Variants in ATAD3C observed in about 807,000 individuals in gnomAD.
The protein encoded by ATAD3C is ATPase family AAA domain-containing protein 3C.
In ATAD3C, 38 loss-of-function variants were observed where a neutral mutation model predicts 46.3. That is an observed-to-expected ratio of 0.82 (90% CI 0.63 to 1.08). The LOEUF (loss-of-function observed/expected upper bound fraction) is 1.08, where lower values mean the gene tolerates loss of function less well. ATAD3C is among the 50% of genes least tolerant of loss of function. ATAD3C has a pLI of 0.00. For synonymous variants in ATAD3C, 220 were observed against 236.4 expected, an observed-to-expected ratio of 0.93 and a Z score of 0.63; for missense variants, 563 against 572.7, an observed-to-expected ratio of 0.98 and a Z score of 0.17.
At chr1:1,453,035 G>A (rs910700367) in intron 3 of ATAD3C, among the ~76,000 whole-genome samples, 10 of 152,080 alleles carry the variant, frequency 6.6e-5, no homozygotes, top group South Asian at 6.2e-4. Context: ...GTAGGTCCCC[G>A]GCACTGAGTG....
rs186181957 is a variant in ATAD3C at position 1,450,979 on chromosome 1, C to T, written c.75+221C>T. ...GAGGGAGGGCCGGTGTTGGTGAGGG[C>T]GTCTGGTCGTCCTGAGGGCCTGGAT... On this transcript the variant is annotated intron_variant, in intron 1 of 11. Coordinates refer to ENST00000378785, the MANE Select transcript of ATAD3C (RefSeq NM_001039211.3). Among the ~76,000 whole-genome samples the T allele has an allele frequency of 4.1e-3, 616 of 151,706 alleles. 5 individuals are homozygous for T. The highest frequency in any genetic ancestry group is 0.014 in the African/African-American group (574 of 41,436).
Position 1,462,812 on chromosome 1 carries a change from T to C in ATAD3C, c.1089+104T>C. ...AGCACCGGTGTCACGTGGGAGCTTCTGTTGAGGGGTTTTCAGTGCACAGAT... is the reference window on the plus strand; with the variant it reads ...AGCACCGGTGTCACGTGGGAGCTTCCGTTGAGGGGTTTTCAGTGCACAGAT... On this transcript the variant is annotated intron_variant, in intron 11 of 11. Transcript: ENST00000378785. The surrounding 1 kb of genome is among the most constrained non-coding windows in gnomAD (Gnocchi z 4.5). 1 of 1,367,054 alleles carries C rather than the reference T, an allele frequency of 7.3e-7. No homozygotes were observed. Among genetic ancestry groups the C allele is most frequent in the Non-Finnish European group, 1.0e-6 (1 of 999,348 alleles). The allele number at this position is 1,367,054 out of a possible 1,614,324, so 84.7% of individuals were successfully genotyped here. A position where few individuals can be genotyped will look rare whatever the true frequency, so the allele number is the denominator to read the frequency against.
rs984018237 is a variant in ATAD3C at position 1,459,866 on chromosome 1, G to T, written c.812+635G>T. Among the ~76,000 whole-genome samples, 8 of 151,980 alleles carry T rather than the reference G, an allele frequency of 5.3e-5. 1 individual carries two copies. Among genetic ancestry groups the T allele is most frequent in the African/African-American group, 1.9e-4 (8 of 41,394 alleles). On this transcript the variant is annotated intron_variant, in intron 9 of 11. Coordinates refer to ENST00000378785, the MANE Select transcript of ATAD3C (RefSeq NM_001039211.3). The surrounding 1 kb of genome is among the most constrained non-coding windows in gnomAD (Gnocchi z 4.9). ...GGTCTCCTGGGTCCCTCCAGCCCCA[G>T]TCACGTGTCACATGGAGGATCAAGT... is the stretch of plus-strand genomic sequence containing the variant.
intron 8 of ATAD3C, among the ~76,000 whole-genome samples, chr1:1,457,958 G>A (rs1263675998): frequency 6.6e-6 from 1 of 151,610 alleles, no homozygotes; most frequent in South Asian, 2.1e-4. Context: ...TTATAGGTGT[G>A]AGCCACTGCA....
At chr1:1,458,029 C>T (rs146413677) in intron 8 of ATAD3C, among the ~76,000 whole-genome samples, 1,762 of 151,390 alleles carry the variant, frequency 0.012, 48 homozygotes, top group African/African-American at 0.041. Context: ...CTTAAGCTGG[C>T]TTGCAGTGGC....
chr1:1,454,867 T>TG (rs1638927413), intron 4 of ATAD3C, among the ~76,000 whole-genome samples: 1 of 151,752 alleles, frequency 6.6e-6, no homozygotes, highest in African/African-American at 2.4e-5. Context: ...CCAAGGTGCC[T>TG]GCTCTCCACA....
At position 1,457,137 on chromosome 1, in the gene ATAD3C, T is replaced by G; in HGVS notation, c.698T>G (p.Leu233Arg). The change falls in exon 8 of 12, where the codon CTC becomes CGC. Residue 233 changes from leucine (L) to arginine (R), a missense_variant. Physicochemically the swap from Leu to Arg is moderately radical, Grantham distance 102. Coordinates refer to ENST00000378785, the MANE Select transcript of ATAD3C (RefSeq NM_001039211.3). ...CTCCCTCTCGTCCACAGCCTCCTGC[T>G]CTTTGTGGATGAAGCGGACGCCTTC... is the stretch of plus-strand genomic sequence containing the variant. ...WANTSRRGLL[L>R]FVDEADAFLR... 6.2e-7 allele frequency: 1 copy of G among 1,613,496 alleles called. No homozygotes were observed. Among genetic ancestry groups the G allele is most frequent in the Non-Finnish European group, 8.5e-7 (1 of 1,179,616 alleles).
In ATAD3C at chr1:1,449,979, T is replaced by G. The variant is rs1638826649; in HGVS notation, c.-705T>G. ...GCTATCTAATTCTTATTCTTTCATT[T>G]TCTTGCCCGCACGTTCTTGATAGCA... On this transcript the variant is annotated 5_prime_UTR_variant, in exon 1 of 12. Coordinates refer to ENST00000378785, the MANE Select transcript of ATAD3C (RefSeq NM_001039211.3). 1 of 152,036 alleles carries G rather than the reference T, an allele frequency of 6.6e-6. No individual in the cohort carries two copies. Among genetic ancestry groups the G allele is most frequent in the Non-Finnish European group, 1.5e-5 (1 of 67,980 alleles). The allele number at this position is 152,036 out of a possible 1,614,324, so 9.4% of individuals were successfully genotyped here.
chr1:1,464,576 G>A (rs1309427903), intron 11 of ATAD3C, among the ~76,000 whole-genome samples: 2 of 151,918 alleles, frequency 1.3e-5, no homozygotes, highest in African/African-American at 2.4e-5. Context: ...TTCAAGACCA[G>A]CCTGGCCAAC....
In ATAD3C at chr1:1,462,798, C is replaced by A; in HGVS notation, c.1089+90C>A. ...GCCAGGCCTGTCCCAGCACCGGTGTCACGTGGGAGCTTCTGTTGAGGGGTT... is the reference window on the plus strand; with the variant it reads ...GCCAGGCCTGTCCCAGCACCGGTGTAACGTGGGAGCTTCTGTTGAGGGGTT... On this transcript the variant is annotated intron_variant, in intron 11 of 11. Transcript: ENST00000378785. The surrounding 1 kb of genome is among the most constrained non-coding windows in gnomAD (Gnocchi z 4.5). 7.0e-7 allele frequency: 1 copy of A among 1,424,168 alleles called. No individual in the cohort carries two copies. Among genetic ancestry groups the A allele is most frequent in the Non-Finnish European group, 9.6e-7 (1 of 1,043,870 alleles). The allele number at this position is 1,424,168 out of a possible 1,614,324, so 88.2% of individuals were successfully genotyped here. A position where few individuals can be genotyped will look rare whatever the true frequency, so the allele number is the denominator to read the frequency against.
Position 1,456,356 on chromosome 1 carries a change from C to T in ATAD3C, c.689+7C>T, listed in dbSNP as rs1208281552. ...CCAATACCAGCCGGCGCGGGTGAGACGTCCCCACAGCATGCACCAGGCCCT... is the reference window on the plus strand; with the variant it reads ...CCAATACCAGCCGGCGCGGGTGAGATGTCCCCACAGCATGCACCAGGCCCT... On this transcript the variant is annotated splice_region_variant and intron_variant, in intron 7 of 11. Transcript: ENST00000378785. 45 of 1,241,658 alleles carry T rather than the reference C, an allele frequency of 3.6e-5. No homozygotes were observed. Among genetic ancestry groups the T allele is most frequent in the South Asian group, 3.2e-4 (19 of 59,914 alleles). 76.9% of individuals were successfully genotyped at this position (1,241,658 alleles called of 1,614,324 possible). A position where few individuals can be genotyped will look rare whatever the true frequency, so the allele number is the denominator to read the frequency against.
intron 4 of ATAD3C, among the ~76,000 whole-genome samples, 186 bp from the exon 5 acceptor site, chr1:1,455,274 G>A (rs991921890): frequency 2.7e-5 from 4 of 147,892 alleles, no homozygotes; most frequent in African/African-American, 7.5e-5. Context: ...ATAAGAAACC[G>A]GAAAATGCCC....
Position 1,457,102 on chromosome 1 carries a change from C to T in ATAD3C, c.690-27C>T. ...GGGCTGCTCCTGGCATCACTCTCAC[C>T]CAGCTTGGCCTCCCTCTCGTCCACA... On this transcript the variant is annotated intron_variant, in intron 7 of 11. Transcript: ENST00000378785. 2.5e-6 allele frequency: 4 copies of T among 1,612,874 alleles called. 1 individual carries two copies. The highest frequency in any genetic ancestry group is 3.4e-6 in the Non-Finnish European group (4 of 1,179,438).
At position 1,452,797 on chromosome 1, in the gene ATAD3C, CAAAAAA is replaced by C. The variant is rs150422909; in HGVS notation, c.222+372_222+377del. On this transcript the variant is annotated intron_variant, in intron 3 of 11. Coordinates refer to ENST00000378785, the MANE Select transcript of ATAD3C (RefSeq NM_001039211.3). ...CTTGGGACAGAGCGAGGCTCCTTCT[CAAAAAA>C]AAAAAAAAGAAAGAAAGAAAGAAAG... 2.2e-3 allele frequency among the ~76,000 whole-genome samples: 274 copies of C among 126,434 alleles called. 2 individuals are homozygous for C. Among genetic ancestry groups the C allele is most frequent in the African/African-American group, 7.4e-3 (265 of 36,018 alleles). 82.9% of individuals were successfully genotyped at this position (126,434 alleles called of 152,430 possible). A position where few individuals can be genotyped will look rare whatever the true frequency, so the allele number is the denominator to read the frequency against.
At chr1:1,457,251 G>T (rs1638979107) in intron 8 of ATAD3C, 71 bp downstream of exon 8, 1 of 1,603,630 alleles carries the variant, frequency 6.2e-7, no homozygotes, top group Admixed American at 1.7e-5. Flanking sequence ...TCCTGGGCCA[G>T]GCCGCAGCCC....
intron 4 of ATAD3C, among the ~76,000 whole-genome samples, chr1:1,455,094 G>C (rs1195118900): frequency 6.6e-6 from 1 of 151,506 alleles, no homozygotes; most frequent in African/African-American, 2.4e-5. Flanking sequence ...GCGGGCGCCT[G>C]TAGTCCCAGC....
At chr1:1,452,729 G>A (rs1638883930) in intron 3 of ATAD3C, among the ~76,000 whole-genome samples, 1 of 151,092 alleles carries the variant, frequency 6.6e-6, no homozygotes, top group Non-Finnish European at 1.5e-5. Context: ...AACCCGGGAG[G>A]CAGAGGTTGC....
At chr1:1,455,394 G>T in intron 4 of ATAD3C, 66 bp from the exon 5 acceptor site, 1 of 1,587,828 alleles carries the variant, frequency 6.3e-7, no homozygotes, top group Admixed American at 1.7e-5. Flanking sequence ...CCGAGCTTGT[G>T]TGTGCGTTGG....
intron 11 of ATAD3C, among the ~76,000 whole-genome samples, chr1:1,467,983 C>T (rs555815791): frequency 6.6e-6 from 1 of 152,056 alleles, no homozygotes; most frequent in East Asian, 1.9e-4. Flanking sequence ...TGCCTCTGCC[C>T]TGGAGGCCTG....
Sources: allele counts gnomAD v4.1 joint callset (sites outside exome capture counted in the v4.1 genomes callset), GRCh38; gene constraint gnomAD v4.1.1; non-coding constraint Gnocchi (gnomAD v3.1); transcripts MANE v1.5; gene names NCBI Gene and HGNC (gene_info 2026-07-23, HGNC 2026-07-21).